Variants in NBEA observed in about 807,000 individuals in gnomAD.
NBEA encodes neurobeachin.
Under a neutral mutation model 343.4 loss-of-function variants are expected in NBEA, and 44 were observed. The ratio of observed to expected loss-of-function variants is 0.13; its 90% CI spans 0.10 to 0.16. The LOEUF is 0.16. Among genes scored for constraint, NBEA ranks in the 10% least tolerant of loss-of-function variants. The probability of loss-of-function intolerance (pLI) is 1.00; values close to 1 mark genes in which losing one functional copy is unlikely to be tolerated. For synonymous variants in NBEA, 1,175 were observed against 1,238.7 expected (o/e 0.95, Z 1.08); for missense variants, 2,555 against 3,631.3 (o/e 0.70, Z 7.62).
chr13:35,426,718 C>G (rs1372944291), intron 38 of NBEA, among the ~76,000 whole-genome samples: 6 of 152,154 alleles, frequency 3.9e-5, no homozygotes, highest in African/African-American at 1.4e-4. Context: ...GGAAGTTCTC[C>G]TGGATAATAT....
chr13:35,418,590 A>G (rs1408498761), intron 38 of NBEA, among the ~76,000 whole-genome samples: 4 of 152,208 alleles, frequency 2.6e-5, no homozygotes, highest in East Asian at 1.9e-4. Context: ...AATGAGAACC[A>G]TAGAAAGAAG....
At chr13:35,553,328 T>G (rs1443829076) in intron 43 of NBEA, among the ~76,000 whole-genome samples, 1 of 152,164 alleles carries the variant, frequency 6.6e-6, no homozygotes, top group South Asian at 2.1e-4. Flanking sequence ...AAAGCTCAAC[T>G]AATTATTAGT....
At chr13:35,097,353 C>T (rs1014619496) in intron 10 of NBEA, among the ~76,000 whole-genome samples, 3 of 151,676 alleles carry the variant, frequency 2.0e-5, no homozygotes, top group African/African-American at 7.2e-5. Flanking sequence ...TGTGGTTTTA[C>T]CCTTTCTTAT....
At chr13:35,616,305 G>A (rs546842274) in intron 48 of NBEA, among the ~76,000 whole-genome samples, 1 of 152,204 alleles carries the variant, frequency 6.6e-6, no homozygotes, top group South Asian at 2.1e-4. Flanking sequence ...AACCATAGTA[G>A]AATAATACTG....
intron 31 of NBEA, among the ~76,000 whole-genome samples, chr13:35,206,461 G>T (rs899434755): frequency 3.3e-5 from 5 of 151,996 alleles, no homozygotes; most frequent in African/African-American, 7.2e-5. Flanking sequence ...TCTTCAAATC[G>T]ACAGTTGATG....
chr13:35,211,716 G>A (rs983078178), intron 33 of NBEA, among the ~76,000 whole-genome samples: 3 of 152,086 alleles, frequency 2.0e-5, no homozygotes, highest in Admixed American at 1.3e-4. Context: ...TCGGGAGGGA[G>A]GCTAGGGCAG....
Position 35,572,386 on chromosome 13 carries a change from G to A in NBEA, c.7035+5369G>A, listed in dbSNP as rs573602189. On this transcript the variant is annotated intron_variant, in intron 45 of 58. Coordinates refer to ENST00000379939, the MANE Select transcript of NBEA (RefSeq NM_001385012.1). ...TGAAATAGTTTCATCACAAAACCAA[G>A]TCCTACTAATATTGACATGAACATA... 2.0e-5 allele frequency among the ~76,000 whole-genome samples: 3 copies of A among 152,210 alleles called. No homozygotes were observed. The South Asian group carries it at 6.2e-4, about 32-fold the overall frequency.
chr13:35,659,116 G>A (rs1344874861), intron 55 of NBEA, among the ~76,000 whole-genome samples: 1 of 152,174 alleles, frequency 6.6e-6, no homozygotes, highest in Non-Finnish European at 1.5e-5. Flanking sequence ...AGCTAGTTAT[G>A]TCTAAATTTG....
rs553093591 is a variant in NBEA at position 35,261,234 on chromosome 13, C to T, written c.5776+28615C>T. Among the ~76,000 whole-genome samples, 4 of 152,206 alleles carry T rather than the reference C, an allele frequency of 2.6e-5. No individual in the cohort carries two copies. In the South Asian group the frequency reaches 8.3e-4, roughly 32 times the overall value. ...TAAATATTTAAAGTAAAATATGGGC[C>T]AAGTGCCATGGCTCATGCCTATAAT... is the stretch of plus-strand genomic sequence containing the variant. On this transcript the variant is annotated intron_variant, in intron 34 of 58. Transcript: ENST00000379939.
At chr13:35,237,899 A>G (rs1291196550) in intron 34 of NBEA, among the ~76,000 whole-genome samples, 9 of 151,902 alleles carry the variant, frequency 5.9e-5, no homozygotes, top group African/African-American at 1.7e-4. Flanking sequence ...TTAATTATCT[A>G]TTACTTTGAT....
chr13:35,475,779 G>A (rs2075836549), intron 41 of NBEA: 2 of 1,613,862 alleles, frequency 1.2e-6, no homozygotes, highest in Non-Finnish European at 1.7e-6. Context: ...AGAGGTAGCC[G>A]GAGGCGGTAA....
rs1157991096 is a variant in NBEA, at chr13:35,123,737, T to G, written c.2336+163T>G. Among the ~76,000 whole-genome samples the G allele has an allele frequency of 2.0e-5, 3 of 152,116 alleles. No individual in the cohort carries two copies. The East Asian group carries it at 5.8e-4, about 29-fold the overall frequency. Reference sequence around the variant, plus strand: ...TGTAAAAATGTTTTATAAAATATATTTTATTAATAGTAGATTGTGAAACAA... The same window carrying G: ...TGTAAAAATGTTTTATAAAATATATGTTATTAATAGTAGATTGTGAAACAA... On this transcript the variant is annotated intron_variant, in intron 17 of 58. Coordinates refer to ENST00000379939, the MANE Select transcript of NBEA (RefSeq NM_001385012.1).
At chr13:35,036,705 A>T (rs1167156953) in intron 1 of NBEA, among the ~76,000 whole-genome samples, 1 of 152,054 alleles carries the variant, frequency 6.6e-6, no homozygotes, top group Non-Finnish European at 1.5e-5. Flanking sequence ...TCCTTCAGCA[A>T]TTTAAATATG....
At chr13:35,137,046 A>G (rs1410332624) in intron 17 of NBEA, among the ~76,000 whole-genome samples, 1 of 152,252 alleles carries the variant, frequency 6.6e-6, no homozygotes, top group Non-Finnish European at 1.5e-5. Flanking sequence ...TGTCTTTAAT[A>G]TAAAAGAGTA....
intron 38 of NBEA, among the ~76,000 whole-genome samples, chr13:35,380,774 C>A (rs1234153451): frequency 6.6e-6 from 1 of 152,008 alleles, no homozygotes; most frequent in Non-Finnish European, 1.5e-5. Flanking sequence ...ATTTGTTTTT[C>A]TACTTTCTGT....
intron 44 of NBEA, among the ~76,000 whole-genome samples, chr13:35,557,462 CA>C (rs1018922225): frequency 6.6e-6 from 1 of 152,072 alleles, no homozygotes; most frequent in African/African-American, 2.4e-5. Flanking sequence ...CTATTTGGGA[CA>C]ATCTTTGGGT....
intron 1 of NBEA, among the ~76,000 whole-genome samples, chr13:34,973,829 T>TC (rs1310325328): frequency 6.6e-6 from 1 of 152,146 alleles, no homozygotes; most frequent in Admixed American, 6.5e-5. Context: ...TCAGCCCCCT[T>TC]CCCAGGGGTA....
chr13:35,130,679 A>C, intron 17 of NBEA, among the ~76,000 whole-genome samples: 1 of 152,092 alleles, frequency 6.6e-6, no homozygotes, highest in Middle Eastern at 3.4e-3. Context: ...ATTTGAAAAA[A>C]AAAATCCATT....
At chr13:35,129,302 AAT>A (rs1337036610) in intron 17 of NBEA, among the ~76,000 whole-genome samples, 5 of 152,182 alleles carry the variant, frequency 3.3e-5, no homozygotes, top group Non-Finnish European at 7.4e-5. Flanking sequence ...GTTAGATAAA[AAT>A]ATGTCAAAAA....
Sources: allele counts gnomAD v4.1 joint callset (sites outside exome capture counted in the v4.1 genomes callset), GRCh38; gene constraint gnomAD v4.1.1; transcripts MANE v1.5; gene names NCBI Gene and HGNC (gene_info 2026-07-23, HGNC 2026-07-21).